The following FHIT variants were observed in gnomAD, a reference collection of about 807,000 sequenced individuals.
FHIT encodes the protein fragile histidine triad diadenosine triphosphatase.
FHIT carries 19 observed loss-of-function variants against 17.9 expected under a neutral mutation model. That is an observed-to-expected ratio of 1.06 (90% confidence interval 0.74 to 1.56). FHIT has a LOEUF of 1.56. Ranked by LOEUF, FHIT falls within the 40% of genes most tolerant of loss-of-function variation. FHIT has a pLI of 0.00. For missense variants in FHIT, 248 were observed against 189.2 expected, an observed-to-expected ratio of 1.31 and a Z score of -1.82; for synonymous variants, 81 against 69.7, an observed-to-expected ratio of 1.16 and a Z score of -0.81.
intron 8 of FHIT, among the ~76,000 whole-genome samples, chr3:59,903,607 C>A (rs546012298): frequency 1.2e-3 from 184 of 152,026 alleles, no homozygotes; most frequent in Non-Finnish European, 2.3e-3. Context: ...AATTAAAATA[C>A]TCAAACATAT....
At chr3:60,274,534 T>G (rs774696623) in intron 5 of FHIT, among the ~76,000 whole-genome samples, 5 of 152,228 alleles carry the variant, frequency 3.3e-5, no homozygotes, top group Non-Finnish European at 7.3e-5. Flanking sequence ...TGAGAATATG[T>G]GTCATAAGCT....
intron 8 of FHIT, among the ~76,000 whole-genome samples, chr3:59,785,537 C>A (rs1702808758): frequency 6.6e-6 from 1 of 152,044 alleles, no homozygotes; most frequent in African/African-American, 2.4e-5. Context: ...TAATTCCAAG[C>A]TGAACTCCTG....
intron 5 of FHIT, among the ~76,000 whole-genome samples, chr3:60,033,871 C>G (rs1701102547): frequency 6.6e-6 from 1 of 152,192 alleles, no homozygotes; most frequent in African/African-American, 2.4e-5. Context: ...GCATCATCAA[C>G]ATTATCATTT....
In FHIT at chr3:60,130,800, CA is replaced by C. The variant is rs559137974; in HGVS notation, c.104-116649del. On this transcript the variant is annotated intron_variant, in intron 5 of 9. Coordinates refer to ENST00000492590, the MANE Select transcript of FHIT (RefSeq NM_002012.4). ...TGTGTGTGTGGTGTGTATATACACACATATATATGTGTGTATGTGTGTATAG... is the reference window on the plus strand; with the variant it reads ...TGTGTGTGTGGTGTGTATATACACACTATATATGTGTGTATGTGTGTATAG... Among the ~76,000 whole-genome samples the C allele has an allele frequency of 2.5e-3, 330 of 130,132 alleles. 3 individuals carry two copies. Among genetic ancestry groups the C allele is most frequent in the African/African-American group, 8.8e-3 (314 of 35,684 alleles). 85.4% of individuals were successfully genotyped at this position (130,132 alleles called of 152,430 possible). A position where few individuals can be genotyped will look rare whatever the true frequency, so the allele number is the denominator to read the frequency against.
intron 4 of FHIT, among the ~76,000 whole-genome samples, chr3:60,725,052 T>A (rs1485240486): frequency 6.6e-6 from 1 of 152,226 alleles, no homozygotes; most frequent in Non-Finnish European, 1.5e-5. Flanking sequence ...GAGCATCTTT[T>A]CATGGGCTTA....
chr3:60,878,522 G>T (rs1704784350), intron 3 of FHIT, among the ~76,000 whole-genome samples: 2 of 151,798 alleles, frequency 1.3e-5, no homozygotes, highest in African/African-American at 2.4e-5. Flanking sequence ...TTAAGTTTTA[G>T]GGTACATGTG....
chr3:60,613,084 G>T (rs900662023), intron 4 of FHIT, among the ~76,000 whole-genome samples: 1 of 152,176 alleles, frequency 6.6e-6, no homozygotes, highest in African/African-American at 2.4e-5. Context: ...ATTAGTAGGG[G>T]ATTTCAAGCT....
intron 1 of FHIT, among the ~76,000 whole-genome samples, chr3:61,232,844 A>C (rs968525636): frequency 2.0e-5 from 3 of 152,230 alleles, no homozygotes; most frequent in African/African-American, 7.2e-5. Flanking sequence ...AAATAAATAG[A>C]ATATTCACAT....
intron 8 of FHIT, among the ~76,000 whole-genome samples, chr3:59,763,051 G>A (rs991117836): frequency 1.8e-4 from 28 of 152,088 alleles, no homozygotes; most frequent in African/African-American, 6.3e-4. Flanking sequence ...CCCCCCCGCC[G>A]GTGTTTCAGA....
Position 60,365,757 on chromosome 3 carries a change from A to T in FHIT, c.103+171103T>A, listed in dbSNP as rs536019090. Among the ~76,000 whole-genome samples, 41 of 152,228 alleles carry T rather than the reference A, an allele frequency of 2.7e-4. 1 individual carries two copies. In the South Asian group the frequency reaches 8.1e-3, roughly 30 times the overall value. On this transcript the variant is annotated intron_variant, in intron 5 of 9. Coordinates refer to ENST00000492590, the MANE Select transcript of FHIT (RefSeq NM_002012.4). Reference sequence around the variant, plus strand: ...TAAGACATGGTTTCTCAGAAAGTCAACTCCTGGTCTAGTGTTTTTAAATGA... The same window carrying T: ...TAAGACATGGTTTCTCAGAAAGTCATCTCCTGGTCTAGTGTTTTTAAATGA...
rs551124343 is a variant in FHIT at position 60,124,224 on chromosome 3, T to C, written c.104-110072A>G. ...TGAACCACTGCACCTGGCCTACATT[T>C]TTTTTAAAACAACAATTTATGTACC... On this transcript the variant is annotated intron_variant, in intron 5 of 9. Coordinates refer to ENST00000492590, the MANE Select transcript of FHIT (RefSeq NM_002012.4). Among the ~76,000 whole-genome samples the C allele has an allele frequency of 1.5e-3, 223 of 151,288 alleles. 1 individual carries two copies. Among genetic ancestry groups the C allele is most frequent in the Admixed American group, 2.8e-3 (43 of 15,166 alleles).
chr3:60,808,427 C>T (rs1341555278), intron 4 of FHIT, among the ~76,000 whole-genome samples: 39 of 152,156 alleles, frequency 2.6e-4, no homozygotes, highest in African/African-American at 9.4e-4. Flanking sequence ...GAAATACCTA[C>T]ATGGCCGTCC....
intron 5 of FHIT, among the ~76,000 whole-genome samples, chr3:60,110,801 A>C (rs1704636682): frequency 6.6e-6 from 1 of 152,224 alleles, no homozygotes; most frequent in Non-Finnish European, 1.5e-5. Flanking sequence ...TTGACATAAA[A>C]ACCACTCAAG....
At chr3:60,034,761 A>G (rs538283205) in intron 5 of FHIT, among the ~76,000 whole-genome samples, 2 of 152,318 alleles carry the variant, frequency 1.3e-5, no homozygotes, top group African/African-American at 4.8e-5. Flanking sequence ...GACATTTATT[A>G]TATTAATTTA....
chr3:59,764,500 G>A (rs1683344), intron 8 of FHIT, among the ~76,000 whole-genome samples: 111,054 of 152,040 alleles, frequency 0.73, 42,148 homozygotes, highest in East Asian at 0.97. Context: ...GAAGTTACAT[G>A]CCCTGTGCAG....
intron 5 of FHIT, among the ~76,000 whole-genome samples, chr3:60,250,520 T>C (rs928648773): frequency 6.6e-6 from 1 of 152,170 alleles, no homozygotes; most frequent in Non-Finnish European, 1.5e-5. Flanking sequence ...TAAAGCTTCC[T>C]AAGAAACAGG....
chr3:60,651,148 T>C (rs2039982437), intron 4 of FHIT, among the ~76,000 whole-genome samples: 1 of 152,178 alleles, frequency 6.6e-6, no homozygotes, highest in Non-Finnish European at 1.5e-5. Context: ...TTTTCTATTA[T>C]ACATTATTCT....
At chr3:61,208,121 G>C (rs2039316308) in intron 1 of FHIT, among the ~76,000 whole-genome samples, 1 of 152,070 alleles carries the variant, frequency 6.6e-6, no homozygotes, top group Admixed American at 6.6e-5. Flanking sequence ...GTAATTGAGT[G>C]GTTTTGAGTG....
intron 4 of FHIT, among the ~76,000 whole-genome samples, chr3:60,708,811 TG>T (rs2041441530): frequency 6.6e-6 from 1 of 152,210 alleles, no homozygotes; most frequent in Non-Finnish European, 1.5e-5. Flanking sequence ...CAAAAGAGTT[TG>T]GGAAAGAGTG....
Sources: allele counts gnomAD v4.1 joint callset (sites outside exome capture counted in the v4.1 genomes callset), GRCh38; gene constraint gnomAD v4.1.1; transcripts MANE v1.5; gene names NCBI Gene and HGNC (gene_info 2026-07-23, HGNC 2026-07-21).